Variants in LUZP1 observed in about 807,000 individuals in gnomAD.
LUZP1 encodes filamin mechanobinding actin cross-linking protein.
Under a neutral mutation model 71.3 loss-of-function variants are expected in LUZP1, and 25 were observed. The observed-to-expected ratio is 0.35, with a 90% CI of 0.26 to 0.49. LUZP1 has a LOEUF of 0.49. Ranked by LOEUF, LUZP1 falls within the 20% of genes least tolerant of loss-of-function variation. LUZP1 has a pLI of 0.99. For missense variants in LUZP1, 1,142 were observed against 1,300.8 expected (o/e 0.88, Z 1.88); for synonymous variants, 481 against 506.4 (o/e 0.95, Z 0.67).
chr1:23,107,508 A>G (rs937239757), intron 3 of LUZP1, among the ~76,000 whole-genome samples: 6 of 152,192 alleles, frequency 3.9e-5, no homozygotes, highest in Non-Finnish European at 8.8e-5. Context: ...TATGTGTAAT[A>G]GGTATGTGTA....
At chr1:23,091,035 A>G in intron 4 of LUZP1, 155 bp downstream of exon 3, 2 of 836,880 alleles carry the variant, frequency 2.4e-6, no homozygotes. Flanking sequence ...AGAAAGGTCA[A>G]ACCCCCCTGA....
intron 2 of LUZP1, among the ~76,000 whole-genome samples, chr1:23,119,085 A>G (rs1644109149): frequency 6.6e-6 from 1 of 152,166 alleles, no homozygotes; most frequent in Non-Finnish European, 1.5e-5. Context: ...GGAGCTTCAC[A>G]AAAGTATTAG....
intron 2 of LUZP1, among the ~76,000 whole-genome samples, chr1:23,125,790 T>C (rs996922659): frequency 6.6e-6 from 1 of 152,206 alleles, no homozygotes; most frequent in Non-Finnish European, 1.5e-5. Context: ...CAAGCTCCAA[T>C]GTCAATTATG....
chr1:23,100,184 T>G (rs1414858580), intron 3 of LUZP1, among the ~76,000 whole-genome samples: 2 of 152,228 alleles, frequency 1.3e-5, no homozygotes, highest in African/African-American at 4.8e-5. Context: ...GCAGGGAGCC[T>G]AGCACACAGG....
intron 1 of LUZP1, among the ~76,000 whole-genome samples, chr1:23,174,978 C>A (rs1212015789): frequency 2.6e-5 from 4 of 152,124 alleles, no homozygotes; most frequent in Non-Finnish European, 5.9e-5. Flanking sequence ...ATTTATAGAT[C>A]CTTTATTCTG....
intron 2 of LUZP1, among the ~76,000 whole-genome samples, chr1:23,136,720 A>G (rs182320124): frequency 9.9e-5 from 15 of 152,282 alleles, no homozygotes; most frequent in South Asian, 2.1e-4. Flanking sequence ...CATCCTGGCT[A>G]ACACAGTGAA....
rs1644430029 is a variant in LUZP1 at position 23,157,604 on chromosome 1, AAC to A, written c.-226+11160_-226+11161del. ...TCAGGAGTTCAAGACCAGCCTGGAC[AAC>A]ACAGTGAAACCTCATCTCTACTAAA... On this transcript the variant is annotated intron_variant, in intron 2 of 4. Transcript: ENST00000302291. Among the ~76,000 whole-genome samples, 3 of 152,268 alleles carry A rather than the reference AAC, an allele frequency of 2.0e-5. No homozygotes were observed. In the South Asian group the frequency reaches 6.2e-4, roughly 32 times the overall value.
chr1:23,106,791 G>A (rs752983141), intron 3 of LUZP1, among the ~76,000 whole-genome samples: 1 of 152,094 alleles, frequency 6.6e-6, no homozygotes, highest in Non-Finnish European at 1.5e-5. Context: ...TTCCTAACTT[G>A]TCTCCCTGCT....
chr1:23,177,710 G>A (rs911663103), exon 1 of LUZP1: 1 of 152,224 alleles, frequency 6.6e-6, no homozygotes, highest in Non-Finnish European at 1.5e-5. Flanking sequence ...TGCGGGCGGC[G>A]GGGGAGGGGG....
chr1:23,138,610 A>T (rs1362194809), intron 2 of LUZP1, among the ~76,000 whole-genome samples: 1 of 151,734 alleles, frequency 6.6e-6, no homozygotes, highest in Non-Finnish European at 1.5e-5. Flanking sequence ...TATTTTTTTT[A>T]AAGCACCGAA....
intron 4 of LUZP1, 196 bp downstream of exon 3, chr1:23,090,994 G>A: frequency 4.1e-6 from 3 of 726,800 alleles, no homozygotes; most frequent in Non-Finnish European, 7.6e-6. Context: ...AGGGATTTTG[G>A]AAAGTGATGC....
At chr1:23,091,441 C>G (rs1267157926) in exon 4 of LUZP1, 1 of 1,614,110 alleles carries the variant, frequency 6.2e-7, no homozygotes, top group Admixed American at 1.7e-5. Flanking sequence ...ACGTTTTTAC[C>G]TATTCGAGTT....
chr1:23,177,159 G>A (rs1644587420), intron 1 of LUZP1, among the ~76,000 whole-genome samples: 1 of 152,236 alleles, frequency 6.6e-6, no homozygotes, highest in East Asian at 1.9e-4. Flanking sequence ...CCAAAGTGGT[G>A]GGATTACAGG....
At chr1:23,149,463 T>C (rs905502477) in intron 2 of LUZP1, among the ~76,000 whole-genome samples, 4 of 152,094 alleles carry the variant, frequency 2.6e-5, no homozygotes, top group Non-Finnish European at 5.9e-5. Context: ...TATTTTTAAC[T>C]TATAGTCAAA....
exon 4 of LUZP1, chr1:23,091,931 C>A (rs564682228): frequency 2.5e-6 from 4 of 1,614,052 alleles, no homozygotes; most frequent in African/African-American, 1.3e-5. Flanking sequence ...GTTTCTCCAA[C>A]GTAGTCTCTG....
In LUZP1 at chr1:23,094,376, TCAATCTA is replaced by T; in HGVS notation, c.-119-3_-116del. The T allele has an allele frequency of 6.8e-7, 1 of 1,466,596 alleles. No homozygotes were observed. 90.8% of individuals were successfully genotyped at this position (1,466,596 alleles called of 1,614,324 possible). A position where few individuals can be genotyped will look rare whatever the true frequency, so the allele number is the denominator to read the frequency against. ...CTTCTTTGACAGCTGGAGACCATCA[TCAATCTA>T]CAAAAGGAAAGTAGAAAGCATGTCA... On this transcript the variant is annotated splice_acceptor_variant and splice_polypyrimidine_tract_variant and 5_prime_UTR_variant and intron_variant, in exon 4 of 5. Transcript: ENST00000302291. LOFTEE classifies it low-confidence loss of function (5UTR_SPLICE). The surrounding 1 kb of genome is among the most constrained non-coding windows in gnomAD (Gnocchi z 4.7).
At chr1:23,163,037 C>T (rs958825334) in intron 2 of LUZP1, among the ~76,000 whole-genome samples, 1 of 151,810 alleles carries the variant, frequency 6.6e-6, no homozygotes, top group African/African-American at 2.4e-5. Flanking sequence ...GTCAGCAGCT[C>T]GAGACCAGCC....
chr1:23,141,905 G>A (rs1644306317), intron 2 of LUZP1, among the ~76,000 whole-genome samples: 2 of 150,186 alleles, frequency 1.3e-5, no homozygotes, highest in Admixed American at 6.6e-5. Flanking sequence ...GTGCAATGGC[G>A]CCATCTCCGG....
At chr1:23,126,206 C>A (rs1557661520) in intron 2 of LUZP1, among the ~76,000 whole-genome samples, 2 of 152,158 alleles carry the variant, frequency 1.3e-5, no homozygotes, top group Admixed American at 6.5e-5. Context: ...CAGACCCACT[C>A]CCCTCCCTTC....
Sources: allele counts gnomAD v4.1 joint callset (sites outside exome capture counted in the v4.1 genomes callset), GRCh38; gene constraint gnomAD v4.1.1; non-coding constraint Gnocchi (gnomAD v3.1); transcripts MANE v1.5; gene names NCBI Gene and HGNC (gene_info 2026-07-23, HGNC 2026-07-21).